Variants in PIEZO2 observed in about 807,000 individuals in gnomAD.
PIEZO2 encodes the protein piezo-type mechanosensitive ion channel component 2.
In PIEZO2, 172 loss-of-function variants were observed where a neutral mutation model predicts 337.3. That is an observed-to-expected ratio of 0.51 (90% confidence interval 0.45 to 0.58). The LOEUF is 0.58. Among genes scored for constraint, PIEZO2 ranks in the 20% least tolerant of loss-of-function variants. The pLI, the probability that PIEZO2 is intolerant of heterozygous loss-of-function variation, is 0.00. For missense variants in PIEZO2, 3,028 were observed against 3,391.3 expected, an observed-to-expected ratio of 0.89 and a Z score of 2.66; for synonymous variants, 1,251 against 1,228.5, an observed-to-expected ratio of 1.02 and a Z score of -0.38.
intron 3 of PIEZO2, among the ~76,000 whole-genome samples, chr18:10,970,384 T>C (rs2034186465): frequency 1.3e-5 from 2 of 152,238 alleles, no homozygotes; most frequent in African/African-American, 4.8e-5. Context: ...CCCGTCTAGA[T>C]GAGCCCATTG....
Position 10,791,215 on chromosome 18 carries a change from T to C in PIEZO2, c.1868A>G (p.Glu623Gly), listed in dbSNP as rs1305329239. The change falls in exon 14 of 56, where the codon GAA (glutamate) becomes GGA (glycine). Residue 623 changes from glutamate to glycine, a missense_variant. Around this residue, in one of 5 missense-constraint regions of PIEZO2, gnomAD observed 1,925 missense variants for 2,051.9 expected, o/e 0.94. Transcript: ENST00000674853. ...CACTAATTTACCTTTTTCTTCATTT[T>C]CCTGACTGCCAATTTTGACTTCCGA... ...LLSEVKIGSQ[E>G]NEEKDEELQD... 12 of 1,535,782 alleles carry C rather than the reference T, an allele frequency of 7.8e-6. No homozygotes were observed. Among genetic ancestry groups the C allele is most frequent in the Non-Finnish European group, 1.0e-5 (12 of 1,146,110 alleles).
intron 7 of PIEZO2, among the ~76,000 whole-genome samples, chr18:10,849,828 G>A (rs549929809): frequency 7.9e-5 from 12 of 152,170 alleles, no homozygotes; most frequent in African/African-American, 2.2e-4. Flanking sequence ...ATTTTTCTTC[G>A]GGAGACCTGC....
chr18:11,001,507 C>T lies in PIEZO2; in HGVS notation c.161-21847G>A, dbSNP rs2035533116. The stretch of plus-strand genomic sequence containing the variant: ...TCACGACTGTGATTATCCTCCAGTC[C>T]CCTATGTAGCTGTATTTTGTTATGT... On this transcript the variant is annotated intron_variant, in intron 2 of 55. Coordinates refer to ENST00000674853, the MANE Select transcript of PIEZO2 (RefSeq NM_001378183.1). The surrounding 1 kb of genome is among the most constrained non-coding windows in gnomAD (Gnocchi z 5.3). 6.6e-6 allele frequency among the ~76,000 whole-genome samples: 1 copy of T among 152,042 alleles called. No individual in the cohort carries two copies. The highest frequency in any genetic ancestry group is 1.5e-5 in the Non-Finnish European group (1 of 68,012).
At chr18:10,843,389 C>T (rs2041253555) in intron 7 of PIEZO2, among the ~76,000 whole-genome samples, 1 of 151,952 alleles carries the variant, frequency 6.6e-6, no homozygotes, top group Non-Finnish European at 1.5e-5. Context: ...CTCAAAAGAT[C>T]TCTTTAGATT....
At chr18:10,762,756 C>G (rs1434984845) in intron 22 of PIEZO2, 131 bp from the exon 23 acceptor site, 1 of 1,329,442 alleles carries the variant, frequency 7.5e-7, no homozygotes, top group Admixed American at 2.4e-5. Context: ...CAGGGGAGAC[C>G]TCAGTATGAG....
rs529577913 is a variant in PIEZO2, at chr18:10,856,336, T to C, written c.703+665A>G. On this transcript the variant is annotated intron_variant, in intron 6 of 55. Coordinates refer to ENST00000674853, the MANE Select transcript of PIEZO2 (RefSeq NM_001378183.1). The surrounding 1 kb of genome is among the most constrained non-coding windows in gnomAD (Gnocchi z 4.7). ...GTTTATTTCTTGAGAAATTCTACTG[T>C]CATTTCCCCCATTTTTCCCACTATT... Among the ~76,000 whole-genome samples the C allele has an allele frequency of 5.3e-4, 80 of 152,296 alleles. No homozygotes were observed. Among genetic ancestry groups the C allele is most frequent in the African/African-American group, 1.9e-3 (77 of 41,574 alleles).
Position 10,773,608 on chromosome 18 carries a change from G to C in PIEZO2, c.2589C>G (p.Ser863Arg). 6.5e-7 allele frequency: 1 copy of C among 1,537,294 alleles called. No individual in the cohort carries two copies. Among genetic ancestry groups the C allele is most frequent in the Non-Finnish European group, 8.7e-7 (1 of 1,146,928 alleles). The part of the protein sequence containing the change: ...HQNELAHPEG[S>R]LPDLTMMHLT... ...GATGCATCATGGTGAGGTCCGGGAGGCTTCCTTCCGGGTGGGCCAGTCTGT... is the reference window on the plus strand; with the variant it reads ...GATGCATCATGGTGAGGTCCGGGAGCCTTCCTTCCGGGTGGGCCAGTCTGT... Residue 863 changes from serine to arginine, a missense_variant, in exon 20 of 56, where the codon AGC becomes AGG. This residue lies in a region of PIEZO2 where 1,925 missense variants were observed against 2,051.9 expected (regional missense o/e 0.94). Coordinates refer to ENST00000674853, the MANE Select transcript of PIEZO2 (RefSeq NM_001378183.1). This position sits in a 1 kb window ranked among gnomAD's most constrained non-coding sequence, Gnocchi z 5.3.
Position 11,028,131 on chromosome 18 carries a change from G to T in PIEZO2, c.160+37996C>A, listed in dbSNP as rs16975659. 0.22 allele frequency among the ~76,000 whole-genome samples: 33,938 copies of T among 152,212 alleles called. 4,168 individuals carry two copies. Among genetic ancestry groups the T allele is most frequent in the African/African-American group, 0.31 (12,908 of 41,524 alleles). On this transcript the variant is annotated intron_variant, in intron 2 of 55. Transcript: ENST00000674853. This position sits in a 1 kb window ranked among gnomAD's most constrained non-coding sequence, Gnocchi z 4.8. Reference sequence around the variant, plus strand: ...TCTGATTTACATGGTGTGGCACCACGAGCTGCAAGTTCTACAAACTGTAAC... The same window carrying T: ...TCTGATTTACATGGTGTGGCACCACTAGCTGCAAGTTCTACAAACTGTAAC...
At chr18:11,108,784 G>A (rs577870306) in intron 1 of PIEZO2, among the ~76,000 whole-genome samples, 4 of 152,206 alleles carry the variant, frequency 2.6e-5, no homozygotes, top group African/African-American at 9.6e-5. Flanking sequence ...TCGTGCCACA[G>A]CTGGTTTGTA....
chr18:11,103,417 C>T (rs2039474940), intron 1 of PIEZO2, among the ~76,000 whole-genome samples: 1 of 152,096 alleles, frequency 6.6e-6, no homozygotes, highest in Non-Finnish European at 1.5e-5. Context: ...ACTCATAATC[C>T]ATCCAAATGG....
chr18:10,695,948 G>A (rs190527426), intron 47 of PIEZO2, 126 bp downstream of exon 47: 53 of 881,750 alleles, frequency 6.0e-5, no homozygotes, highest in South Asian at 4.5e-4. Flanking sequence ...CTTCCTACCC[G>A]TGGTGCTGCT....
rs538238320 is a variant in PIEZO2 at position 10,775,938 on chromosome 18, T to A, written c.2535-1900A>T. On this transcript the variant is annotated intron_variant, in intron 18 of 55. Coordinates refer to ENST00000674853, the MANE Select transcript of PIEZO2 (RefSeq NM_001378183.1). This position sits in a 1 kb window ranked among gnomAD's most constrained non-coding sequence, Gnocchi z 4.3. Reference sequence around the variant, plus strand: ...AAAAAAGAAAAAAAAAAAGAAATTATGTATCAGGCTGTCATTTACTAGTCT... The same window carrying A: ...AAAAAAGAAAAAAAAAAAGAAATTAAGTATCAGGCTGTCATTTACTAGTCT... 6.6e-6 allele frequency among the ~76,000 whole-genome samples: 1 copy of A among 152,174 alleles called. No homozygotes were observed. Among genetic ancestry groups the A allele is most frequent in the East Asian group, 1.9e-4 (1 of 5,190 alleles).
chr18:10,857,293 G>T (rs1448924942), intron 5 of PIEZO2, 82 bp from the exon 6 acceptor site: 1 of 1,205,838 alleles, frequency 8.3e-7, no homozygotes, highest in Non-Finnish European at 1.2e-6. Context: ...CTAATTCATG[G>T]GTCAGTCAAC....
chr18:10,983,091 A>G (rs144690586), intron 2 of PIEZO2, among the ~76,000 whole-genome samples: 3 of 152,208 alleles, frequency 2.0e-5, no homozygotes, highest in African/African-American at 7.2e-5. Flanking sequence ...TTGGAATACC[A>G]TATATTGCTC....
chr18:10,677,931 A>G lies in PIEZO2; in HGVS notation c.7953-56T>C. 1 of 1,472,856 alleles carries G rather than the reference A, an allele frequency of 6.8e-7. No homozygotes were observed. The allele number at this position is 1,472,856 out of a possible 1,614,324, so 91.2% of individuals were successfully genotyped here. On this transcript the variant is annotated intron_variant, in intron 52 of 55. Transcript: ENST00000674853. This position sits in a 1 kb window ranked among gnomAD's most constrained non-coding sequence, Gnocchi z 4.1. ...GTGATTATTCAGAAGTCTGGAAAAG[A>G]GATTTACAACATATTTAACTCTTAA...
intron 2 of PIEZO2, among the ~76,000 whole-genome samples, chr18:11,023,204 C>T (rs1351323397): frequency 6.6e-6 from 1 of 152,136 alleles, no homozygotes; most frequent in Non-Finnish European, 1.5e-5. Flanking sequence ...CTGGCTCGGG[C>T]AGCCTGCTTT....
chr18:11,031,963 T>C lies in PIEZO2; in HGVS notation c.160+34164A>G, dbSNP rs140934543. ...AACTCGTTCTCTCTCTGTCTTTCTC[T>C]GTTTCTCTCTGTCTCTCTCTCACAC... On this transcript the variant is annotated intron_variant, in intron 2 of 55. Coordinates refer to ENST00000674853, the MANE Select transcript of PIEZO2 (RefSeq NM_001378183.1). The surrounding 1 kb of genome is among the most constrained non-coding windows in gnomAD (Gnocchi z 4.7). 1.6e-3 allele frequency among the ~76,000 whole-genome samples: 251 copies of C among 152,328 alleles called. 1 individual carries two copies. Among genetic ancestry groups the C allele is most frequent in the African/African-American group, 5.7e-3 (239 of 41,572 alleles).
rs531494884 is a variant in PIEZO2, at chr18:10,848,968, C to T, written c.917+6385G>A. 1.5e-4 allele frequency among the ~76,000 whole-genome samples: 23 copies of T among 152,272 alleles called. No individual in the cohort carries two copies. In the Middle Eastern group the frequency reaches 0.017, roughly 113 times the overall value. On this transcript the variant is annotated intron_variant, in intron 7 of 55. Transcript: ENST00000674853. ...ACAAGATAAGCAAACCAACAAAAAGCCCTCTTTTTGTCAAGAAGTGTCTTT... is the reference window on the plus strand; with the variant it reads ...ACAAGATAAGCAAACCAACAAAAAGTCCTCTTTTTGTCAAGAAGTGTCTTT...
intron 16 of PIEZO2, among the ~76,000 whole-genome samples, chr18:10,785,858 G>T (rs1037584077): frequency 6.6e-6 from 1 of 152,078 alleles, no homozygotes; most frequent in African/African-American, 2.4e-5. Context: ...GATCTTTAAA[G>T]ATTGGAAAAT....
Sources: gnomAD v4.1 joint callset for allele counts (sites outside exome capture counted in the v4.1 genomes callset) on GRCh38, gnomAD v4.1.1 for gene constraint, gnomAD v4.1.1 regional missense constraint, Gnocchi (gnomAD v3.1) non-coding constraint, MANE v1.5 for transcripts, NCBI Gene and HGNC (gene_info 2026-07-23, HGNC 2026-07-21) for gene names.